SFPQ: variants seen among roughly 807,000 people sequenced by gnomAD.
SFPQ encodes splicing factor, proline- and glutamine-rich.
Under a neutral mutation model 72.9 loss-of-function variants are expected in SFPQ, and 11 were observed. The ratio of observed to expected loss-of-function variants is 0.15; its 90% CI spans 0.09 to 0.25. The LOEUF is 0.25. SFPQ is among the 10% of genes least tolerant of loss of function. SFPQ has a pLI of 1.00. For missense variants in SFPQ, 847 were observed against 993.3 expected, an observed-to-expected ratio of 0.85 and a Z score of 1.98; for synonymous variants, 506 against 367.3, an observed-to-expected ratio of 1.38 and a Z score of -4.32.
chr1:35,192,299 A>G lies in SFPQ; in HGVS notation c.751T>C (p.Tyr251His). Reference sequence around the variant, plus strand: ...GGCCCCTGGTGATGCTGCTGGTGGTAGGGCGGGTGGTGCTGGCGGCCCCCG... The same window carrying G: ...GGCCCCTGGTGATGCTGCTGGTGGTGGGGCGGGTGGTGCTGGCGGCCCCCG... ...PRGGRQHHPPYHQQHHQGPPP... is the reference protein window; with the variant it reads ...PRGGRQHHPPHHQQHHQGPPP... The change falls in exon 1 of 10, where the codon TAC becomes CAC. Residue 251 changes from tyrosine to histidine, a missense_variant. Physicochemically the swap from Tyr to His is moderately conservative, Grantham distance 83 (BLOSUM62 2). This residue lies in a region of SFPQ where 498 missense variants were observed against 405.1 expected (regional missense o/e 1.23). Transcript: ENST00000357214. 6.9e-7 allele frequency: 1 copy of G among 1,457,542 alleles called. No individual in the cohort carries two copies. The highest frequency in any genetic ancestry group is 9.0e-7 in the Non-Finnish European group (1 of 1,113,772). The allele number at this position is 1,457,542 out of a possible 1,614,324, so 90.3% of individuals were successfully genotyped here.
intron 4 of SFPQ, 145 bp downstream of exon 4, chr1:35,190,353 T>G (rs1022735581): frequency 3.1e-6 from 2 of 635,004 alleles, no homozygotes; most frequent in African/African-American, 3.7e-5. Flanking sequence ...CAGCTTCAAA[T>G]CTTTCTCAGC....
At chr1:35,178,135 G>A (rs1172921933), downstream of SFPQ, 6 of 1,145,160 alleles carry the variant, frequency 5.2e-6, no homozygotes, top group Admixed American at 4.5e-5. Flanking sequence ...TAAAAATCCA[G>A]AGATAAAGAT....
In SFPQ at chr1:35,183,102, C is replaced by T; in HGVS notation, c.*1354G>A. ...TATTTGTTAACAATCACCACTAGCT[C>T]TTAGAAGAGAACCAATAGATTTTTA... On this transcript the variant is annotated 3_prime_UTR_variant, in exon 10 of 10. Coordinates refer to ENST00000357214, the MANE Select transcript of SFPQ (RefSeq NM_005066.3). The T allele has an allele frequency of 9.7e-7, 1 of 1,028,670 alleles. No homozygotes were observed. The highest frequency in any genetic ancestry group is 1.2e-6 in the Non-Finnish European group (1 of 857,820). 63.7% of individuals were successfully genotyped at this position (1,028,670 alleles called of 1,614,324 possible).
At chr1:35,188,149 G>A in intron 6 of SFPQ, 59 bp from the exon 7 acceptor site, 1 of 1,306,338 alleles carries the variant, frequency 7.7e-7, no homozygotes, top group Non-Finnish European at 1.1e-6. Context: ...AGAATTCAAT[G>A]TGAAGAAACC....
At chr1:35,185,885 G>A (rs1639691238) in intron 9 of SFPQ, among the ~76,000 whole-genome samples, 1 of 152,062 alleles carries the variant, frequency 6.6e-6, no homozygotes, top group Non-Finnish European at 1.5e-5. Context: ...TCAGCTACCT[G>A]TTATCTAGAA....
Position 35,183,182 on chromosome 1 carries a change from G to A in SFPQ, c.*1274C>T, listed in dbSNP as rs1639543818. 2.9e-6 allele frequency: 3 copies of A among 1,017,992 alleles called. No homozygotes were observed. Among genetic ancestry groups the A allele is most frequent in the Non-Finnish European group, 3.5e-6 (3 of 848,572 alleles). The allele number at this position is 1,017,992 out of a possible 1,614,324, so 63.1% of individuals were successfully genotyped here. ...AGCACAAGGAGATGTAAAAGTTACA[G>A]AGTACAAATGTATATATAACTAAAC... On this transcript the variant is annotated 3_prime_UTR_variant, in exon 10 of 10. Coordinates refer to ENST00000357214, the MANE Select transcript of SFPQ (RefSeq NM_005066.3).
At chr1:35,190,179 G>C (rs1286743610) in intron 4 of SFPQ, among the ~76,000 whole-genome samples, 1 of 152,184 alleles carries the variant, frequency 6.6e-6, no homozygotes, top group Non-Finnish European at 1.5e-5. Context: ...AGAATCGCTT[G>C]AACCTGGGAG....
chr1:35,181,710 GA>G, downstream of SFPQ: 3 of 1,060,648 alleles, frequency 2.8e-6, no homozygotes, highest in Admixed American at 5.4e-5. Flanking sequence ...TTCTTTAAAT[GA>G]AAAAAATGGC....
chr1:35,182,670 A>G, downstream of SFPQ: 5 of 985,446 alleles, frequency 5.1e-6, no homozygotes, highest in Non-Finnish European at 6.0e-6. Flanking sequence ...AGCACCAAGA[A>G]AAGAGGTGAA....
Position 35,187,019 on chromosome 1 carries a change from G to A in SFPQ, c.1968C>T (p.Ser656=), listed in dbSNP as rs769694140. ...PGVPPATMSG[S]MMGSDMRTER... ...ACATTACCATGTCACTTCCCATCAT[G>A]GAACCACTCATGGTTGCTGGTGGAA... The change falls in exon 9 of 10, where the codon TCC becomes TCT. Residue 656 remains serine (S), a synonymous_variant. Coordinates refer to ENST00000357214, the MANE Select transcript of SFPQ (RefSeq NM_005066.3). The A allele has an allele frequency of 3.1e-6, 5 of 1,613,866 alleles. No homozygotes were observed. The highest frequency in any genetic ancestry group is 3.4e-6 in the Non-Finnish European group (4 of 1,179,846).
Position 35,190,874 on chromosome 1 carries a change from G to T in SFPQ, c.1139C>A (p.Pro380His). 1 of 1,614,156 alleles carries T rather than the reference G, an allele frequency of 6.2e-7. No individual in the cohort carries two copies. The highest frequency in any genetic ancestry group is 8.5e-7 in the Non-Finnish European group (1 of 1,180,038). ...TTCCAACAGTTCATTGGAAACATAA[G>T]GTGAAAGATTACGAACAGAAAGGGC... is the stretch of plus-strand genomic sequence containing the variant. ...AAALSVRNLS[P>H]YVSNELLEEA... is the part of the protein sequence containing the mutation. The change falls in exon 3 of 10, where the codon CCT (proline) becomes CAT (histidine). Residue 380 changes from proline (P) to histidine (H), a missense_variant. Pro to His is a moderately conservative substitution (Grantham distance 77, BLOSUM62 -2). This residue lies in a region of SFPQ where 132 missense variants were observed against 255.4 expected (regional missense o/e 0.52). Transcript: ENST00000357214.
At position 35,191,428 on chromosome 1, in the gene SFPQ, C is replaced by T. The variant is rs1639990947; in HGVS notation, c.930G>A (p.Glu310=). ...FVGNLPADIT[E]DEFKRLFAKY... ...TAGCAAATAGTCTTTTGAATTCATC[C>T]TCCGTGATATCAGCAGGTAGATTCC... The change falls in exon 2 of 10, where the codon GAG becomes GAA. Residue 310 remains glutamate, a synonymous_variant. Transcript: ENST00000357214. 1 of 1,614,068 alleles carries T rather than the reference C, an allele frequency of 6.2e-7. No homozygotes were observed. Among genetic ancestry groups the T allele is most frequent in the Non-Finnish European group, 8.5e-7 (1 of 1,179,930 alleles).
At chr1:35,190,346 C>A in intron 4 of SFPQ, 152 bp downstream of exon 4, 1 of 629,384 alleles carries the variant, frequency 1.6e-6, no homozygotes. Context: ...TGAATAACAG[C>A]TTCAAATCTT....
At chr1:35,186,915 TAAAA>T (rs1250975988) in intron 9 of SFPQ, 82 bp downstream of exon 9, 1 of 1,431,442 alleles carries the variant, frequency 7.0e-7, no homozygotes. Context: ...GTCACCTACT[TAAAA>T]AAACAAAACA....
rs1640084124 is a variant in SFPQ at position 35,192,614 on chromosome 1, C to T, written c.436G>A (p.Gly146Arg). The part of the protein sequence containing the change: ...PPTSGAPPGS[G>R]PGPTPTPPPA... ...GGCGGGGTCGGAGTCGGGCCTGGCCCGGACCCTGGCGGGGCCCCCGAGGTT... is the reference window on the plus strand; with the variant it reads ...GGCGGGGTCGGAGTCGGGCCTGGCCTGGACCCTGGCGGGGCCCCCGAGGTT... Residue 146 changes from glycine to arginine, a missense_variant, in exon 1 of 10, where the codon GGG (glycine) becomes AGG (arginine). Around this residue, in one of 6 missense-constraint regions of SFPQ, gnomAD observed 498 missense variants for 405.1 expected, o/e 1.23. Coordinates refer to ENST00000357214, the MANE Select transcript of SFPQ (RefSeq NM_005066.3). 7 of 1,368,906 alleles carry T rather than the reference C, an allele frequency of 5.1e-6. No individual in the cohort carries two copies. Among genetic ancestry groups the T allele is most frequent in the South Asian group, 1.7e-5 (1 of 58,492 alleles). 84.8% of individuals were successfully genotyped at this position (1,368,906 alleles called of 1,614,324 possible).
Position 35,192,892 on chromosome 1 carries a change from T to C in SFPQ, c.158A>G (p.Gln53Arg), listed in dbSNP as rs1640112951. The C allele has an allele frequency of 6.4e-7, 1 of 1,551,908 alleles. No individual in the cohort carries two copies. Among genetic ancestry groups the C allele is most frequent in the Non-Finnish European group, 8.6e-7 (1 of 1,157,846 alleles). ...NRGPMGPGPG[Q>R]SGPKPPIPPP... ...CGGGATCGGAGGCTTAGGGCCGCTCTGGCCCGGGCCAGGACCCATGGGGCC... is the reference window on the plus strand; with the variant it reads ...CGGGATCGGAGGCTTAGGGCCGCTCCGGCCCGGGCCAGGACCCATGGGGCC... Residue 53 changes from glutamine (Q) to arginine (R), a missense_variant, in exon 1 of 10, where the codon CAG becomes CGG. Around this residue, in one of 6 missense-constraint regions of SFPQ, gnomAD observed 498 missense variants for 405.1 expected, o/e 1.23. Transcript: ENST00000357214.
chr1:35,180,644 A>T, downstream of SFPQ: 1 of 1,053,538 alleles, frequency 9.5e-7, no homozygotes, highest in Non-Finnish European at 1.1e-6. Flanking sequence ...CATTACAAAA[A>T]AACCTGTACT....
chr1:35,182,585 C>T (rs1234435578), downstream of SFPQ: 5 of 985,360 alleles, frequency 5.1e-6, no homozygotes, highest in Non-Finnish European at 6.0e-6. Context: ...AATAGGTCTC[C>T]TTTTGTACAC....
At position 35,189,387 on chromosome 1, in the gene SFPQ, C is replaced by A; in HGVS notation, c.1416-5G>T. The A allele has an allele frequency of 6.2e-7, 1 of 1,609,984 alleles. No homozygotes were observed. The highest frequency in any genetic ancestry group is 8.5e-7 in the Non-Finnish European group (1 of 1,177,244). On this transcript the variant is annotated splice_polypyrimidine_tract_variant and splice_region_variant and intron_variant, in intron 4 of 9. Coordinates refer to ENST00000357214, the MANE Select transcript of SFPQ (RefSeq NM_005066.3). The stretch of plus-strand genomic sequence containing the variant: ...CGAGGAGGGGTTTCTCTCTCCCTAA[C>A]AATACACAAAATTTTAACATGAACC...
Sources: gnomAD v4.1 joint callset for allele counts (sites outside exome capture counted in the v4.1 genomes callset) on GRCh38, gnomAD v4.1.1 for gene constraint, gnomAD v4.1.1 regional missense constraint, MANE v1.5 for transcripts, NCBI Gene and HGNC (gene_info 2026-07-23, HGNC 2026-07-21) for gene names.